The following SAG variants were observed in gnomAD, a reference collection of about 807,000 sequenced individuals.
SAG encodes the protein S-arrestin.
In SAG, 45 loss-of-function variants were observed where a neutral mutation model predicts 55.0. The ratio of observed to expected loss-of-function variants is 0.82; its 90% CI spans 0.64 to 1.05. The LOEUF is 1.05. Ranked by LOEUF, SAG falls within the 50% of genes least tolerant of loss-of-function variation. The pLI, the probability that SAG is intolerant of heterozygous loss-of-function variation, is 0.00. For synonymous variants in SAG, 189 were observed against 197.4 expected (o/e 0.96, Z 0.36); for missense variants, 455 against 512.1 (o/e 0.89, Z 1.08).
intron 7 of SAG, 110 bp from the exon 8 acceptor site, chr2:233,328,368 C>A (rs1318572516): frequency 5.2e-6 from 7 of 1,356,036 alleles, no homozygotes; most frequent in Non-Finnish European, 6.1e-6. Flanking sequence ...ACCCTGTCTC[C>A]ATGGGGAGCA....
chr2:233,313,765 G>T (rs1246732703), intron 2 of SAG, among the ~76,000 whole-genome samples: 2 of 146,154 alleles, frequency 1.4e-5, no homozygotes, highest in East Asian at 4.0e-4. Context: ...CAGAGGAGGG[G>T]GTATCACTTT....
chr2:233,314,069 A>C (rs1296145950), intron 2 of SAG, among the ~76,000 whole-genome samples: 1 of 151,928 alleles, frequency 6.6e-6, no homozygotes, highest in African/African-American at 2.4e-5. Context: ...AAAAATATAA[A>C]AAATTAGCTG....
chr2:233,319,655 C>G lies in SAG; in HGVS notation c.181+860C>G. 1 of 986,094 alleles carries G rather than the reference C, an allele frequency of 1.0e-6. No individual in the cohort carries two copies. Among genetic ancestry groups the G allele is most frequent in the Non-Finnish European group, 1.2e-6 (1 of 830,476 alleles). The allele number at this position is 986,094 out of a possible 1,614,324, so 61.1% of individuals were successfully genotyped here. A position where few individuals can be genotyped will look rare whatever the true frequency, so the allele number is the denominator to read the frequency against. ...GTCCTCTCCACCTTCCTCCTGGGTG[C>G]CCTGCTCCTCTCTGGACCAGGAGGC... On this transcript the variant is annotated intron_variant, in intron 4 of 15. Transcript: ENST00000409110. The surrounding 1 kb of genome is among the most constrained non-coding windows in gnomAD (Gnocchi z 4.4).
At chr2:233,323,298 A>G (rs946100473) in intron 6 of SAG, among the ~76,000 whole-genome samples, 2 of 152,098 alleles carry the variant, frequency 1.3e-5, no homozygotes, top group Admixed American at 1.3e-4. Context: ...ACCACAGGTG[A>G]TCTGCCTGCC....
intron 5 of SAG, among the ~76,000 whole-genome samples, chr2:233,322,312 C>T (rs1700413927): frequency 1.3e-5 from 2 of 152,008 alleles, no homozygotes; most frequent in African/African-American, 4.8e-5. Flanking sequence ...ACTTCAGTAG[C>T]CAGCAAAGGG....
rs1700327927 is a variant in SAG, at chr2:233,319,865, C to G, written c.182-765C>G. ...TGAGTCAGCAGCGAAGGGCAGTTAC[C>G]TTTGGGGCTTGCAGGCAAAATTCTC... On this transcript the variant is annotated intron_variant, in intron 4 of 15. Transcript: ENST00000409110. The surrounding 1 kb of genome is among the most constrained non-coding windows in gnomAD (Gnocchi z 4.4). 8.1e-6 allele frequency: 8 copies of G among 985,766 alleles called. No homozygotes were observed. Among genetic ancestry groups the G allele is most frequent in the Non-Finnish European group, 9.6e-6 (8 of 829,958 alleles). 61.1% of individuals were successfully genotyped at this position (985,766 alleles called of 1,614,324 possible).
At chr2:233,343,049 C>G (rs1321851545) in intron 14 of SAG, 1 of 151,556 alleles carries the variant, frequency 6.6e-6, no homozygotes, top group African/African-American at 2.4e-5. Context: ...TGAGCCACTG[C>G]ACCTGGCTGA....
At chr2:233,344,072 G>A (rs996006472) in intron 14 of SAG, 1 of 152,738 alleles carries the variant, frequency 6.5e-6, no homozygotes. Flanking sequence ...GGATTAAGAT[G>A]CTTTCTGGTT....
chr2:233,316,926 A>T (rs2125324800), intron 3 of SAG, among the ~76,000 whole-genome samples: 1 of 152,248 alleles, frequency 6.6e-6, no homozygotes, highest in South Asian at 2.1e-4. Flanking sequence ...TAGTGGCGAG[A>T]TCTTGGCTCA....
chr2:233,329,521 T>C lies in SAG; in HGVS notation c.677T>C (p.Val226Ala). ...TATTTCCATGGGGAGCCCATCCCTGTGACCGTGACTGTCACCAATAACACA... is the reference window on the plus strand; with the variant it reads ...TATTTCCATGGGGAGCCCATCCCTGCGACCGTGACTGTCACCAATAACACA... ...EIYFHGEPIP[V>A]TVTVTNNTEK... The change falls in exon 9 of 16, where the codon GTG (valine) becomes GCG (alanine). Residue 226 changes from valine (V) to alanine (A), a missense_variant. Coordinates refer to ENST00000409110, the MANE Select transcript of SAG (RefSeq NM_000541.5). The C allele has an allele frequency of 3.1e-6, 5 of 1,613,488 alleles. No homozygotes were observed. In the South Asian group the frequency reaches 5.5e-5, roughly 18 times the overall value.
At chr2:233,321,170 C>T (rs149310013) in intron 5 of SAG, among the ~76,000 whole-genome samples, 2,060 of 152,278 alleles carry the variant, frequency 0.014, 30 homozygotes, top group Non-Finnish European at 0.021. Context: ...GAAAGGGTTC[C>T]CTACAGGACA....
At chr2:233,323,683 CT>C (rs1227300733) in intron 6 of SAG, among the ~76,000 whole-genome samples, 6 of 152,146 alleles carry the variant, frequency 3.9e-5, no homozygotes, top group Non-Finnish European at 8.8e-5. Context: ...TTAAAGATAG[CT>C]TTTTTTCATG....
intron 6 of SAG, among the ~76,000 whole-genome samples, chr2:233,323,957 T>C (rs1380703910): frequency 6.6e-6 from 1 of 151,942 alleles, no homozygotes; most frequent in Admixed American, 6.6e-5. Context: ...GGGATGTGTG[T>C]TGAGGATGTT....
At chr2:233,342,133 A>G in intron 13 of SAG, 138 bp from the exon 14 acceptor site, 1 of 675,176 alleles carries the variant, frequency 1.5e-6, no homozygotes, top group Admixed American at 2.8e-5. Flanking sequence ...CAAAAAAAAA[A>G]AAAAAAAGTT....
At chr2:233,328,967 AT>A (rs1052610704) in intron 8 of SAG, 2 of 246,288 alleles carry the variant, frequency 8.1e-6, no homozygotes, top group African/African-American at 4.5e-5. Flanking sequence ...GGTATCCCAA[AT>A]TCTTCACTTC....
intron 6 of SAG, 115 bp downstream of exon 6, chr2:233,323,120 G>A (rs180804899): frequency 2.2e-4 from 155 of 714,812 alleles, no homozygotes; most frequent in Admixed American, 9.6e-4. Flanking sequence ...GTGCAGTGGC[G>A]TGATCTTGGC....
chr2:233,312,075 G>A (rs1437551621), intron 2 of SAG, among the ~76,000 whole-genome samples: 1 of 152,190 alleles, frequency 6.6e-6, no homozygotes, highest in South Asian at 2.1e-4. Flanking sequence ...GCAGTGAGCC[G>A]AGATCGCGCC....
intron 2 of SAG, among the ~76,000 whole-genome samples, chr2:233,314,274 G>A (rs950634325): frequency 2.6e-5 from 4 of 151,820 alleles, no homozygotes; most frequent in African/African-American, 4.8e-5. Context: ...CGGCAGTGAC[G>A]AGCAGCTGGG....
At chr2:233,337,937 C>T (rs555035615) in intron 11 of SAG, among the ~76,000 whole-genome samples, 14 of 152,316 alleles carry the variant, frequency 9.2e-5, no homozygotes, top group African/African-American at 3.1e-4. Flanking sequence ...AACTTCAGTA[C>T]GTATTAGTGG....
Sources: allele counts gnomAD v4.1 joint callset (sites outside exome capture counted in the v4.1 genomes callset), GRCh38; gene constraint gnomAD v4.1.1; non-coding constraint Gnocchi (gnomAD v3.1); transcripts MANE v1.5; gene names NCBI Gene and HGNC (gene_info 2026-07-23, HGNC 2026-07-21).